Variants in HS6ST2 observed in about 807,000 individuals in gnomAD.
HS6ST2 encodes heparan-sulfate 6-O-sulfotransferase 2.
In HS6ST2, 17 loss-of-function variants were observed where a neutral mutation model predicts 33.0. The ratio of observed to expected loss-of-function variants is 0.52; its 90% CI spans 0.35 to 0.77. The LOEUF is 0.77. Ranked by LOEUF, HS6ST2 falls within the 30% of genes least tolerant of loss-of-function variation. HS6ST2 has a pLI of 0.01. For missense variants in HS6ST2, 519 were observed against 551.7 expected, an observed-to-expected ratio of 0.94 and a Z score of 0.59; for synonymous variants, 248 against 237.1, an observed-to-expected ratio of 1.05 and a Z score of -0.42.
rs2066653441 is a variant in HS6ST2 at position 132,921,821 on chromosome X, G to A, written c.947+34987C>T. The stretch of plus-strand genomic sequence containing the variant: ...TTAGGAGTCAGCCCGGATCCCGCCT[G>A]GGCAGGTCATGTTGTTGGCTCAGTC... On this transcript the variant is annotated intron_variant, in intron 2 of 4. Coordinates refer to ENST00000370833, the MANE Select transcript of HS6ST2 (RefSeq NM_001394073.1). 3.6e-5 allele frequency among the ~76,000 whole-genome samples: 4 copies of A among 112,124 alleles called. No homozygotes were observed. In the South Asian group the frequency reaches 1.5e-3, roughly 42 times the overall value.
At chrX:132,667,157 T>C (rs761014481) in intron 4 of HS6ST2, among the ~76,000 whole-genome samples, 1 of 111,244 alleles carries the variant, frequency 9.0e-6, no homozygotes, top group South Asian at 3.8e-4. Context: ...TGTACACTAA[T>C]GGAAAAAAAG....
chrX:132,733,012 G>A (rs1353314076), intron 2 of HS6ST2, among the ~76,000 whole-genome samples: 1 of 112,255 alleles, frequency 8.9e-6, no homozygotes, highest in Non-Finnish European at 1.9e-5. Flanking sequence ...TTAAAAAGCA[G>A]TTTGTAAGGC....
intron 2 of HS6ST2, among the ~76,000 whole-genome samples, chrX:132,744,663 C>G (rs2064618317): frequency 9.0e-6 from 1 of 111,537 alleles, no homozygotes; most frequent in African/African-American, 3.3e-5. Context: ...CTCTATTGAT[C>G]TGTTTGGCTG....
intron 4 of HS6ST2, among the ~76,000 whole-genome samples, chrX:132,659,010 A>C (rs938915501): frequency 8.9e-6 from 1 of 111,806 alleles, no homozygotes; most frequent in Non-Finnish European, 1.9e-5. Flanking sequence ...CAGGTGATCC[A>C]AAACACTAGC....
intron 3 of HS6ST2, among the ~76,000 whole-genome samples, chrX:132,703,196 G>C (rs1267180730): frequency 8.9e-6 from 1 of 112,256 alleles, no homozygotes; most frequent in Non-Finnish European, 1.9e-5. Context: ...TCTGACAGGA[G>C]CTCTGGGCAT....
intron 2 of HS6ST2, among the ~76,000 whole-genome samples, chrX:132,750,211 C>T (rs2064688418): frequency 3.6e-5 from 4 of 110,779 alleles, no homozygotes; most frequent in Admixed American, 2.9e-4. Flanking sequence ...GGCATGTGTA[C>T]TTGTAACATT....
At chrX:132,750,893 C>A (rs752144550) in intron 2 of HS6ST2, among the ~76,000 whole-genome samples, 19 of 112,213 alleles carry the variant, frequency 1.7e-4, no homozygotes, top group African/African-American at 5.8e-4. Flanking sequence ...AAACACCAGG[C>A]TGCGTGATCT....
intron 3 of HS6ST2, among the ~76,000 whole-genome samples, chrX:132,696,837 T>C (rs771720590): frequency 2.7e-5 from 3 of 111,939 alleles, no homozygotes; most frequent in African/African-American, 9.7e-5. Flanking sequence ...TTAGGAAATA[T>C]CTCAAGGCTA....
At chrX:132,711,113 C>T (rs2064227930) in intron 2 of HS6ST2, among the ~76,000 whole-genome samples, 2 of 111,729 alleles carry the variant, frequency 1.8e-5, no homozygotes, top group South Asian at 7.5e-4. Flanking sequence ...TCAAATGGTA[C>T]TTAGGCAACT....
chrX:132,743,435 T>C (rs1025525700), intron 2 of HS6ST2, among the ~76,000 whole-genome samples: 1 of 112,401 alleles, frequency 8.9e-6, no homozygotes, highest in Non-Finnish European at 1.9e-5. Context: ...AAAAGGGGAC[T>C]GCAATGACTA....
chrX:132,726,312 T>A (rs889864729), intron 2 of HS6ST2, among the ~76,000 whole-genome samples: 8 of 110,367 alleles, frequency 7.2e-5, no homozygotes, highest in Non-Finnish European at 1.1e-4. Context: ...CCACAAAAAA[T>A]TAAAATTAAA....
chrX:132,720,412 T>A (rs1432568286), intron 2 of HS6ST2, among the ~76,000 whole-genome samples: 1 of 110,862 alleles, frequency 9.0e-6, no homozygotes, highest in Non-Finnish European at 1.9e-5. Context: ...CCCTTCATAC[T>A]CTGCCTTTAA....
chrX:132,821,918 G>A (rs1056211341), intron 2 of HS6ST2, among the ~76,000 whole-genome samples: 3 of 111,002 alleles, frequency 2.7e-5, no homozygotes, highest in African/African-American at 9.8e-5. Context: ...TTGAGTCTGG[G>A]AAGTGGAGGT....
chrX:132,902,102 A>ATT lies in HS6ST2; in HGVS notation c.947+54704_947+54705dup, dbSNP rs772438138. Among the ~76,000 whole-genome samples, 858 of 95,950 alleles carry ATT rather than the reference A, an allele frequency of 8.9e-3. 20 individuals carry two copies. In the East Asian group the frequency reaches 0.095, roughly 11 times the overall value. 83.3% of individuals were successfully genotyped at this position (95,950 alleles called of 115,157 possible). On this transcript the variant is annotated intron_variant, in intron 2 of 4. Coordinates refer to ENST00000370833, the MANE Select transcript of HS6ST2 (RefSeq NM_001394073.1). ...ACCAGACCAGTGACACATATCACTC[A>ATT]TTTTTTTTTTTTTTTTTGAGACAGG...
In HS6ST2 at chrX:132,626,912, C is replaced by T. The variant is rs1162507868; in HGVS notation, c.*1311G>A. 2 of 112,291 alleles carry T rather than the reference C, an allele frequency of 1.8e-5. No homozygotes were observed. Among genetic ancestry groups the T allele is most frequent in the Non-Finnish European group, 3.8e-5 (2 of 53,228 alleles). The allele number at this position is 112,291 out of a possible 1,213,427, so 9.3% of individuals were successfully genotyped here. A position where few individuals can be genotyped will look rare whatever the true frequency, so the allele number is the denominator to read the frequency against. The stretch of plus-strand genomic sequence containing the variant: ...CAACTCATATGTTCCTGATATGTAA[C>T]CTCACTACAGAACACTTTTTACTTT... On this transcript the variant is annotated 3_prime_UTR_variant, in exon 5 of 5. Coordinates refer to ENST00000370833, the MANE Select transcript of HS6ST2 (RefSeq NM_001394073.1).
At chrX:132,935,939 T>C (rs1053797653) in intron 2 of HS6ST2, among the ~76,000 whole-genome samples, 1 of 108,755 alleles carries the variant, frequency 9.2e-6, no homozygotes, top group East Asian at 2.9e-4. Flanking sequence ...TATCATAAGA[T>C]ACTGAAAAGG....
chrX:132,883,541 T>A (rs967163425), intron 2 of HS6ST2, among the ~76,000 whole-genome samples: 1 of 111,396 alleles, frequency 9.0e-6, no homozygotes, highest in Non-Finnish European at 1.9e-5. Context: ...ATGTCAAGCA[T>A]ATATTGTACA....
intron 2 of HS6ST2, among the ~76,000 whole-genome samples, chrX:132,926,980 AG>A (rs1394273918): frequency 1.8e-5 from 2 of 110,845 alleles, no homozygotes; most frequent in Non-Finnish European, 3.8e-5. Flanking sequence ...TGCAGTACTG[AG>A]CCCCCCCATC....
At chrX:132,729,506 A>C (rs2064434214) in intron 2 of HS6ST2, among the ~76,000 whole-genome samples, 1 of 111,277 alleles carries the variant, frequency 9.0e-6, no homozygotes, top group East Asian at 2.8e-4. Context: ...TCTTTTCCAA[A>C]TATATGTCTG....
Sources: allele counts gnomAD v4.1 joint callset (sites outside exome capture counted in the v4.1 genomes callset), GRCh38; gene constraint gnomAD v4.1.1; transcripts MANE v1.5; gene names NCBI Gene and HGNC (gene_info 2026-07-23, HGNC 2026-07-21).